MATN1: variants seen among roughly 807,000 people sequenced by gnomAD.
MATN1 encodes matrilin-1.
A neutral mutation model predicts 41.3 loss-of-function variants in MATN1; 34 were observed. That is an observed-to-expected ratio of 0.82 (90% CI 0.63 to 1.10). MATN1 has a LOEUF of 1.10. Ranked by LOEUF, MATN1 falls within the 50% of genes least tolerant of loss-of-function variation. MATN1 has a pLI of 0.00. For missense variants in MATN1, 602 were observed against 662.4 expected (o/e 0.91, Z 1.00); for synonymous variants, 264 against 278.7 (o/e 0.95, Z 0.53).
At position 30,718,942 on chromosome 1, in the gene MATN1, T is replaced by C; in HGVS notation, c.457A>G (p.Thr153Ala). Residue 153 changes from threonine to alanine, a missense_variant, in exon 3 of 8, where the codon ACA (threonine) becomes GCA (alanine). Physicochemically the swap from Thr to Ala is moderately conservative, Grantham distance 58. Transcript: ENST00000373765. ...PDISKVVIVVTDGRPQDSVQD... is the reference protein window; with the variant it reads ...PDISKVVIVVADGRPQDSVQD... ...ACGCTGTCCTGGGGCCTCCCGTCTGTCACCACGATGACCACCTGCGACACG... is the reference window on the plus strand; with the variant it reads ...ACGCTGTCCTGGGGCCTCCCGTCTGCCACCACGATGACCACCTGCGACACG... 6.6e-7 allele frequency: 1 copy of C among 1,516,006 alleles called. No individual in the cohort carries two copies. The highest frequency in any genetic ancestry group is 8.8e-7 in the Non-Finnish European group (1 of 1,135,122). The allele number at this position is 1,516,006 out of a possible 1,614,324, so 93.9% of individuals were successfully genotyped here.
rs1263484688 is a variant in MATN1, at chr1:30,711,772, T to G, written c.*1810A>C. 6.6e-6 allele frequency: 1 copy of G among 152,236 alleles called. No homozygotes were observed. Among genetic ancestry groups the G allele is most frequent in the Non-Finnish European group, 1.5e-5 (1 of 68,056 alleles). 9.4% of individuals were successfully genotyped at this position (152,236 alleles called of 1,614,324 possible). A position where few individuals can be genotyped will look rare whatever the true frequency, so the allele number is the denominator to read the frequency against. On this transcript the variant is annotated 3_prime_UTR_variant, in exon 8 of 8. Transcript: ENST00000373765. ...CCTTCTCAGTCCATATCAACATGGC[T>G]GCCTCTCCCCCTCCCCACCTGTGTG...
At position 30,718,858 on chromosome 1, in the gene MATN1, C is replaced by G. The variant is rs1485040052; in HGVS notation, c.541G>C (p.Gly181Arg). 2 of 1,607,170 alleles carry G rather than the reference C, an allele frequency of 1.2e-6. No individual in the cohort carries two copies. The change falls in exon 3 of 8, where the codon GGC becomes CGC. Residue 181 changes from glycine (G) to arginine (R), a missense_variant. Coordinates refer to ENST00000373765, the MANE Select transcript of MATN1 (RefSeq NM_002379.3). Reference sequence around the variant, plus strand: ...CGCAGCGTGGCCTTGTCCACGCTGCCCACTCCGATGGCGAACAGCTCGACG... The same window carrying G: ...CGCAGCGTGGCCTTGTCCACGCTGCGCACTCCGATGGCGAACAGCTCGACG... ...SGVELFAIGV[G>R]SVDKATLRQI... is the part of the protein sequence containing the mutation.
rs370222636 is a variant in MATN1 at position 30,718,727 on chromosome 1, C to T, written c.664+8G>A. ...CTGCCCTGGCTCCGCCCCCGCCTGC[C>T]CGCGCACCGCAGAAGGCCTCCTGGA... On this transcript the variant is annotated splice_region_variant and intron_variant, in intron 3 of 7. Transcript: ENST00000373765. 3 of 1,570,722 alleles carry T rather than the reference C, an allele frequency of 1.9e-6. No individual in the cohort carries two copies. The highest frequency in any genetic ancestry group is 1.1e-5 in the South Asian group (1 of 87,150).
At chr1:30,720,017 C>T (rs1639677289) in intron 2 of MATN1, 1 of 152,240 alleles carries the variant, frequency 6.6e-6, no homozygotes, top group Non-Finnish European at 1.5e-5. Context: ...CATCATTACC[C>T]TGGGCTACCT....
rs1209246719 is a variant in MATN1 at position 30,716,110 on chromosome 1, T to G, written c.1006A>C (p.Lys336Gln). Residue 336 changes from lysine (K) to glutamine (Q), a missense_variant, in exon 5 of 8, where the codon AAG becomes CAG. Coordinates refer to ENST00000373765, the MANE Select transcript of MATN1 (RefSeq NM_002379.3). The stretch of plus-strand genomic sequence containing the variant: ...TTCCGCACAGCCGCCTTGATGTCCT[T>G]CTTGGTGTGGAAGCGACCCAGGGGG... ...EFPLGRFHTK[K>Q]DIKAAVRNMS... 1.9e-6 allele frequency: 3 copies of G among 1,614,182 alleles called. No homozygotes were observed. Among genetic ancestry groups the G allele is most frequent in the Non-Finnish European group, 2.5e-6 (3 of 1,180,020 alleles).
At chr1:30,715,105 C>G in intron 6 of MATN1, 52 bp downstream of exon 6, 1 of 1,600,204 alleles carries the variant, frequency 6.2e-7, no homozygotes, top group Non-Finnish European at 8.5e-7. Context: ...GGCTCCACCT[C>G]CACAGTGCCC....
At chr1:30,719,347 G>A (rs541049591) in intron 2 of MATN1, 1 of 222,248 alleles carries the variant, frequency 4.5e-6, no homozygotes, top group Admixed American at 5.9e-5. Context: ...GCCGGGGCTG[G>A]GTGGGGGGAT....
Position 30,718,843 on chromosome 1 carries a change from C to A in MATN1, c.556G>T (p.Ala186Ser), listed in dbSNP as rs1197083042. ...TCGCTGGCGATCTGCCGCAGCGTGG[C>A]CTTGTCCACGCTGCCCACTCCGATG... Reference protein sequence around the residue: ...FAIGVGSVDKATLRQIASEPQ... With the variant: ...FAIGVGSVDKSTLRQIASEPQ... The change falls in exon 3 of 8, where the codon GCC becomes TCC. Residue 186 changes from alanine to serine, a missense_variant. Physicochemically the swap from Ala to Ser is moderately conservative, Grantham distance 99. Coordinates refer to ENST00000373765, the MANE Select transcript of MATN1 (RefSeq NM_002379.3). 1.9e-6 allele frequency: 3 copies of A among 1,608,940 alleles called. No individual in the cohort carries two copies. The highest frequency in any genetic ancestry group is 2.2e-5 in the East Asian group (1 of 44,746).
chr1:30,714,223 C>A, intron 7 of MATN1, 24 bp downstream of exon 7: 1 of 1,572,740 alleles, frequency 6.4e-7, no homozygotes, highest in South Asian at 1.2e-5. Flanking sequence ...CTCCCCAGCC[C>A]CAGCCCCCTC....
chr1:30,721,179 G>A (rs572958141), intron 2 of MATN1: 1 of 565,998 alleles, frequency 1.8e-6, no homozygotes, highest in African/African-American at 1.9e-5. Context: ...ATGATTGTAA[G>A]CTCCTAGGAT....
chr1:30,715,825 C>T, intron 5 of MATN1, 84 bp downstream of exon 5: 1 of 1,411,756 alleles, frequency 7.1e-7, no homozygotes, highest in Non-Finnish European at 9.6e-7. Context: ...AATCAGACGA[C>T]ACCAAGATAA....
At position 30,717,642 on chromosome 1, in the gene MATN1, G is replaced by GTTTTTTTTT. The variant is rs751915676; in HGVS notation, c.665-736_665-728dup. Among the ~76,000 whole-genome samples, 10 of 109,990 alleles carry GTTTTTTTTT rather than the reference G, an allele frequency of 9.1e-5. 2 individuals are homozygous for GTTTTTTTTT. Among genetic ancestry groups the GTTTTTTTTT allele is most frequent in the African/African-American group, 2.6e-4 (6 of 23,008 alleles). The allele number at this position is 109,990 out of a possible 152,430, so 72.2% of individuals were successfully genotyped here. On this transcript the variant is annotated intron_variant, in intron 3 of 7. Coordinates refer to ENST00000373765, the MANE Select transcript of MATN1 (RefSeq NM_002379.3). ...GGCTCTGTTGTTTTTTGTGTGTGCGGTTTTTTTTTTTGTTTTGTTTTTTTT... is the reference window on the plus strand; with the variant it reads ...GGCTCTGTTGTTTTTTGTGTGTGCGGTTTTTTTTTTTTTTTTTTTTGTTTTGTTTTTTTT...
chr1:30,716,737 A>C, intron 4 of MATN1, 53 bp downstream of exon 4: 1 of 1,597,368 alleles, frequency 6.3e-7, no homozygotes, highest in South Asian at 1.1e-5. Flanking sequence ...GGGAGGCCCC[A>C]TCACCTCCCC....
Position 30,718,778 on chromosome 1 carries a change from G to A in MATN1, c.621C>T (p.Ser207=), listed in dbSNP as rs1247636364. The change falls in exon 3 of 8, where the codon AGC becomes AGT. Residue 207 remains serine, a synonymous_variant. Coordinates refer to ENST00000373765, the MANE Select transcript of MATN1 (RefSeq NM_002379.3). ...ACTTCCTGGACAGCTTCTCGATGAC[G>A]CTGTAGCTCTCCACGTAATCGACGT... is the stretch of plus-strand genomic sequence containing the variant. ...DEHVDYVESY[S]VIEKLSRKFQ... The A allele has an allele frequency of 1.2e-6, 2 of 1,608,590 alleles. No individual in the cohort carries two copies. The highest frequency in any genetic ancestry group is 2.7e-5 in the African/African-American group (2 of 74,694).
At position 30,718,820 on chromosome 1, in the gene MATN1, G is replaced by A; in HGVS notation, c.579C>T (p.Ser193=). The change falls in exon 3 of 8, where the codon AGC becomes AGT. Residue 193 remains serine (S), a synonymous_variant. Coordinates refer to ENST00000373765, the MANE Select transcript of MATN1 (RefSeq NM_002379.3). ...AATCGACGTGTTCGTCCTGCGGCTC[G>A]CTGGCGATCTGCCGCAGCGTGGCCT... ...VDKATLRQIA[S]EPQDEHVDYV... is the part of the protein sequence containing the mutation. The A allele has an allele frequency of 6.2e-7, 1 of 1,609,174 alleles. No homozygotes were observed. The highest frequency in any genetic ancestry group is 8.5e-7 in the Non-Finnish European group (1 of 1,178,716).
chr1:30,717,841 A>G (rs1378383956), intron 3 of MATN1, among the ~76,000 whole-genome samples: 1 of 151,812 alleles, frequency 6.6e-6, no homozygotes. Context: ...TTTTTAGTAG[A>G]GACCGGTTTC....
chr1:30,716,944 C>G, intron 3 of MATN1, 29 bp from the exon 4 acceptor site: 1 of 1,600,536 alleles, frequency 6.2e-7, no homozygotes, highest in Non-Finnish European at 8.5e-7. Flanking sequence ...GCTCAGATCT[C>G]ACAGTCATAG....
At position 30,713,578 on chromosome 1, in the gene MATN1, A is replaced by C; in HGVS notation, c.*4T>G. On this transcript the variant is annotated 3_prime_UTR_variant, in exon 8 of 8. Transcript: ENST00000373765. ...TGGAGAGGCCACAGTGGTGACAGGC[A>C]GCCTTAGACAACTGTGTTCTCCAGG... is the stretch of plus-strand genomic sequence containing the variant. 6.4e-7 allele frequency: 1 copy of C among 1,553,306 alleles called. No homozygotes were observed. The highest frequency in any genetic ancestry group is 8.7e-7 in the Non-Finnish European group (1 of 1,147,642).
rs1639570434 is a variant in MATN1, at chr1:30,712,922, T to C, written c.*660A>G. The C allele has an allele frequency of 6.6e-6, 1 of 152,364 alleles. No individual in the cohort carries two copies. Among genetic ancestry groups the C allele is most frequent in the Non-Finnish European group, 1.5e-5 (1 of 68,176 alleles). 9.4% of individuals were successfully genotyped at this position (152,364 alleles called of 1,614,324 possible). A position where few individuals can be genotyped will look rare whatever the true frequency, so the allele number is the denominator to read the frequency against. ...TTTAGACTCTCAGCTTTCCCATTTGTAATGGGGATAATTTGAGTCTTTTCT... is the reference window on the plus strand; with the variant it reads ...TTTAGACTCTCAGCTTTCCCATTTGCAATGGGGATAATTTGAGTCTTTTCT... On this transcript the variant is annotated 3_prime_UTR_variant, in exon 8 of 8. Coordinates refer to ENST00000373765, the MANE Select transcript of MATN1 (RefSeq NM_002379.3).
Sources: gnomAD v4.1 joint callset for allele counts (sites outside exome capture counted in the v4.1 genomes callset) on GRCh38, gnomAD v4.1.1 for gene constraint, MANE v1.5 for transcripts, NCBI Gene and HGNC (gene_info 2026-07-23, HGNC 2026-07-21) for gene names.